IQCJ: variants seen among roughly 807,000 people sequenced by gnomAD.
IQCJ encodes the protein IQ domain-containing protein J.
Under a neutral mutation model 11.0 loss-of-function variants are expected in IQCJ, and 9 were observed. That is an observed-to-expected ratio of 0.82 (90% confidence interval 0.49 to 1.43). IQCJ has a LOEUF of 1.43. Among genes scored for constraint, IQCJ ranks in the 40% most tolerant of loss-of-function variants. The pLI, the probability that IQCJ is intolerant of heterozygous loss-of-function variation, is 0.00. For missense variants in IQCJ, 146 were observed against 133.2 expected (o/e 1.10, Z -0.47); for synonymous variants, 55 against 51.3 (o/e 1.07, Z -0.31).
chr3:159,117,868 G>A (rs1190713718), intron 1 of IQCJ, among the ~76,000 whole-genome samples: 1 of 151,836 alleles, frequency 6.6e-6, no homozygotes, highest in African/African-American at 2.4e-5. Context: ...TAACTTACCC[G>A]GCATCAGGTT....
At chr3:159,184,328 G>A (rs1485214022) in intron 1 of IQCJ, among the ~76,000 whole-genome samples, 1 of 151,886 alleles carries the variant, frequency 6.6e-6, no homozygotes, top group Non-Finnish European at 1.5e-5. Flanking sequence ...TATTATTTGG[G>A]TCTCAGCTTA....
intron 1 of IQCJ, among the ~76,000 whole-genome samples, chr3:159,134,512 A>G (rs1720174083): frequency 1.3e-5 from 2 of 152,218 alleles, no homozygotes; most frequent in Admixed American, 6.5e-5. Flanking sequence ...GGGCCATGGA[A>G]CAAACCCAAG....
At position 159,240,895 on chromosome 3, in the gene IQCJ, G is replaced by A. The variant is rs938453862; in HGVS notation, c.10-4948G>A. On this transcript the variant is annotated intron_variant, in intron 1 of 3. Transcript: ENST00000397832. ...GGCATGAGCCACCGCACCCGGCCCC[G>A]TCAGTGTTCTGAAAAAGACATTTTA... Among the ~76,000 whole-genome samples, 14 of 151,922 alleles carry A rather than the reference G, an allele frequency of 9.2e-5. No individual in the cohort carries two copies. In the East Asian group the frequency reaches 2.2e-3, roughly 23 times the overall value.
chr3:159,102,530 T>C (rs1392800401), intron 1 of IQCJ, among the ~76,000 whole-genome samples: 2 of 152,190 alleles, frequency 1.3e-5, no homozygotes. Flanking sequence ...TACTGAAATG[T>C]CCCATACCAA....
intron 1 of IQCJ, among the ~76,000 whole-genome samples, chr3:159,107,590 T>G (rs1385568154): frequency 1.3e-5 from 2 of 152,194 alleles, no homozygotes; most frequent in South Asian, 2.1e-4. Context: ...AAGAACGGTG[T>G]GGCTGAGTCT....
intron 1 of IQCJ, among the ~76,000 whole-genome samples, chr3:159,103,714 A>G (rs1334602716): frequency 6.6e-6 from 1 of 152,216 alleles, no homozygotes; most frequent in African/African-American, 2.4e-5. Flanking sequence ...CCACTTGTCC[A>G]TGGTGTTTCA....
intron 1 of IQCJ, among the ~76,000 whole-genome samples, chr3:159,085,610 C>G (rs967898474): frequency 3.7e-4 from 54 of 147,324 alleles, no homozygotes; most frequent in Admixed American, 1.1e-3. Flanking sequence ...GATTGCCATT[C>G]TAACTGGTGT....
intron 1 of IQCJ, among the ~76,000 whole-genome samples, chr3:159,145,726 CT>C (rs1720893425): frequency 6.6e-6 from 1 of 152,046 alleles, no homozygotes; most frequent in Admixed American, 6.6e-5. Context: ...CTTACTGATC[CT>C]ATATTCCAGG....
At chr3:159,138,167 GT>G (rs1386043114) in intron 1 of IQCJ, among the ~76,000 whole-genome samples, 1 of 152,188 alleles carries the variant, frequency 6.6e-6, no homozygotes, top group African/African-American at 2.4e-5. Context: ...TTGGAGGCCT[GT>G]TCTTTTCACA....
intron 2 of IQCJ, among the ~76,000 whole-genome samples, chr3:159,248,659 G>A (rs1039589851): frequency 2.6e-5 from 4 of 152,104 alleles, no homozygotes; most frequent in Non-Finnish European, 4.4e-5. Context: ...ATGAGGCCCT[G>A]GAATCAGTAT....
intron 1 of IQCJ, among the ~76,000 whole-genome samples, chr3:159,232,653 A>G (rs771420738): frequency 3.9e-5 from 6 of 151,974 alleles, no homozygotes; most frequent in Admixed American, 2.0e-4. Context: ...TATGTGGTCA[A>G]TTTTAGAGTA....
intron 1 of IQCJ, among the ~76,000 whole-genome samples, chr3:159,141,488 C>A (rs192279842): frequency 3.3e-5 from 5 of 152,302 alleles, no homozygotes; most frequent in Admixed American, 3.3e-4. Flanking sequence ...AGAATTTTGA[C>A]AATCAAGATG....
intron 1 of IQCJ, among the ~76,000 whole-genome samples, chr3:159,082,406 A>G (rs1488989525): frequency 6.6e-6 from 1 of 151,884 alleles, no homozygotes; most frequent in East Asian, 1.9e-4. Context: ...GTAAAGAAGC[A>G]TAAGGAGAGT....
intron 1 of IQCJ, among the ~76,000 whole-genome samples, chr3:159,076,986 A>G (rs1378371001): frequency 6.6e-6 from 1 of 152,154 alleles, no homozygotes; most frequent in Non-Finnish European, 1.5e-5. Flanking sequence ...CCTGGCATGC[A>G]ATAGACACTC....
At chr3:159,124,823 A>C (rs1311630634) in intron 1 of IQCJ, among the ~76,000 whole-genome samples, 2 of 152,200 alleles carry the variant, frequency 1.3e-5, no homozygotes, top group Non-Finnish European at 2.9e-5. Context: ...ATTTTCCACA[A>C]AGAAGATAGT....
chr3:159,159,717 CT>C (rs2108216537), intron 1 of IQCJ, among the ~76,000 whole-genome samples: 1 of 152,258 alleles, frequency 6.6e-6, no homozygotes, highest in Admixed American at 6.5e-5. Flanking sequence ...GGCCATGAGC[CT>C]AGAGGAGATG....
rs555744299 is a variant in IQCJ, at chr3:159,228,735, G to A, written c.10-17108G>A. Among the ~76,000 whole-genome samples the A allele has an allele frequency of 5.3e-3, 811 of 151,666 alleles. 7 individuals are homozygous for A. The highest frequency in any genetic ancestry group is 8.5e-3 in the Non-Finnish European group (577 of 67,800). ...GGAGAGTGGCGTGAACCCGGGAGGC[G>A]GAGCTTGCAGTGAGCCGAGATCCCG... On this transcript the variant is annotated intron_variant, in intron 1 of 3. Transcript: ENST00000397832.
chr3:159,251,958 A>G (rs1049900564), intron 2 of IQCJ, among the ~76,000 whole-genome samples: 2 of 152,240 alleles, frequency 1.3e-5, no homozygotes, highest in African/African-American at 4.8e-5. Flanking sequence ...ACCAGTAACT[A>G]TTAGCTTTCT....
At chr3:159,133,661 T>A (rs1204182751) in intron 1 of IQCJ, among the ~76,000 whole-genome samples, 1 of 152,074 alleles carries the variant, frequency 6.6e-6, no homozygotes, top group East Asian at 1.9e-4. Flanking sequence ...GGAGGAACAT[T>A]TTATAGTTCG....
Sources: allele counts gnomAD v4.1 joint callset (sites outside exome capture counted in the v4.1 genomes callset), GRCh38; gene constraint gnomAD v4.1.1; transcripts MANE v1.5; gene names NCBI Gene and HGNC (gene_info 2026-07-23, HGNC 2026-07-21).